Variants in DOCK4 observed in about 807,000 individuals in gnomAD.
DOCK4 encodes the protein dedicator of cytokinesis protein 4.
DOCK4 carries 97 observed loss-of-function variants against 268.1 expected under a neutral mutation model. The ratio of observed to expected loss-of-function variants is 0.36; its 90% CI spans 0.31 to 0.43. The LOEUF (loss-of-function observed/expected upper bound fraction) is 0.43. Among genes scored for constraint, DOCK4 ranks in the 20% least tolerant of loss-of-function variants. The pLI is 1.00. For synonymous variants in DOCK4, 954 were observed against 887.2 expected (o/e 1.08, Z -1.34); for missense variants, 2,145 against 2,455.7 (o/e 0.87, Z 2.67).
chr7:111,926,503 AAAG>A (rs1793686000), intron 12 of DOCK4, among the ~76,000 whole-genome samples: 1 of 148,728 alleles, frequency 6.7e-6, no homozygotes, highest in African/African-American at 2.5e-5. Context: ...ACAAAGAAAA[AAAG>A]AAGGAAGAAA....
chr7:111,846,867 G>T, intron 24 of DOCK4, 132 bp downstream of exon 24: 1 of 1,092,238 alleles, frequency 9.2e-7, no homozygotes, highest in Non-Finnish European at 1.2e-6. Flanking sequence ...GAAGCAAAAA[G>T]TCCAGCCCAG....
At chr7:112,116,291 C>A (rs1406415011) in intron 1 of DOCK4, among the ~76,000 whole-genome samples, 1 of 152,104 alleles carries the variant, frequency 6.6e-6, no homozygotes. Flanking sequence ...TGGCTTATTT[C>A]AATTGGCATA....
chr7:111,955,119 T>C (rs1470384144), intron 8 of DOCK4, among the ~76,000 whole-genome samples: 1 of 152,220 alleles, frequency 6.6e-6, no homozygotes, highest in Non-Finnish European at 1.5e-5. Flanking sequence ...CGAAGACTTT[T>C]CCCCTCTTCC....
intron 15 of DOCK4, among the ~76,000 whole-genome samples, chr7:111,896,613 TG>T (rs976323583): frequency 2.0e-5 from 3 of 151,982 alleles, no homozygotes; most frequent in African/African-American, 7.3e-5. Flanking sequence ...TGTTAAGGGC[TG>T]GATGGTTACT....
chr7:112,098,813 T>C (rs747278404), intron 1 of DOCK4, among the ~76,000 whole-genome samples: 1 of 125,516 alleles, frequency 8.0e-6, no homozygotes, highest in Non-Finnish European at 1.8e-5. Flanking sequence ...CATGAGCATA[T>C]ATCTATATAT....
At chr7:112,026,509 C>T (rs1802802865) in intron 1 of DOCK4, among the ~76,000 whole-genome samples, 1 of 152,194 alleles carries the variant, frequency 6.6e-6, no homozygotes, top group Non-Finnish European at 1.5e-5. Flanking sequence ...TAACAGCCTA[C>T]CAGCTACATC....
intron 25 of DOCK4, among the ~76,000 whole-genome samples, chr7:111,842,618 G>C (rs1315683130): frequency 6.6e-6 from 1 of 152,176 alleles, no homozygotes; most frequent in East Asian, 1.9e-4. Flanking sequence ...GTCAGTGTTG[G>C]TGAAAACAAT....
rs756138210 is a variant in DOCK4, at chr7:111,847,137, AAG to A, written c.2474-13_2474-12del. 8 of 1,613,534 alleles carry A rather than the reference AAG, an allele frequency of 5.0e-6. No individual in the cohort carries two copies. The highest frequency in any genetic ancestry group is 6.8e-6 in the Non-Finnish European group (8 of 1,179,548). The stretch of plus-strand genomic sequence containing the variant: ...GAATGTATCGGGAATCTGAAGAGAG[AAG>A]AGTCATTAGTGTCACATCTGTTGGA... On this transcript the variant is annotated splice_polypyrimidine_tract_variant and intron_variant, in intron 23 of 52. Transcript: ENST00000428084.
chr7:112,101,059 T>C (rs767777252), intron 1 of DOCK4, among the ~76,000 whole-genome samples: 4 of 152,066 alleles, frequency 2.6e-5, no homozygotes, highest in Non-Finnish European at 4.4e-5. Context: ...GGGTGTGTTA[T>C]GGAAGGAAGG....
At chr7:112,027,225 G>C (rs1202138341) in intron 1 of DOCK4, among the ~76,000 whole-genome samples, 3 of 151,940 alleles carry the variant, frequency 2.0e-5, no homozygotes, top group African/African-American at 7.3e-5. Flanking sequence ...GTTTTGTTTT[G>C]TTTCCTTGTT....
At chr7:111,926,599 G>A (rs1395675327) in intron 12 of DOCK4, among the ~76,000 whole-genome samples, 3 of 150,280 alleles carry the variant, frequency 2.0e-5, no homozygotes, top group Non-Finnish European at 2.9e-5. Flanking sequence ...AAGGTGGGCA[G>A]ATCACGAGGT....
intron 27 of DOCK4, among the ~76,000 whole-genome samples, chr7:111,812,199 A>G (rs1166638940): frequency 6.6e-6 from 1 of 152,224 alleles, no homozygotes; most frequent in African/African-American, 2.4e-5. Context: ...TCAGACAGAA[A>G]TATATTATCA....
chr7:111,959,291 T>C lies in DOCK4; in HGVS notation c.702-13493A>G, dbSNP rs192104805. Among the ~76,000 whole-genome samples the C allele has an allele frequency of 9.2e-5, 14 of 152,240 alleles. No homozygotes were observed. The East Asian group carries it at 2.3e-3, about 25-fold the overall frequency. ...CATCTATTTTTGTTCTCAAACAAAG[T>C]TGTACTCCCTGCACGTCTGGCCGGT... On this transcript the variant is annotated intron_variant, in intron 8 of 52. Transcript: ENST00000428084.
At chr7:111,758,498 G>T in intron 41 of DOCK4, 126 bp downstream of exon 41, 1 of 1,093,154 alleles carries the variant, frequency 9.1e-7, no homozygotes, top group Non-Finnish European at 1.3e-6. Context: ...TAGACTAAAT[G>T]ATTTATATAG....
intron 28 of DOCK4, among the ~76,000 whole-genome samples, chr7:111,810,465 G>GA (rs1025175286): frequency 1.6e-4 from 22 of 140,526 alleles, no homozygotes; most frequent in East Asian, 2.0e-4. Context: ...ACAAAAAAAA[G>GA]AAAAAAAAAA....
At chr7:112,103,600 G>A (rs1185538093) in intron 1 of DOCK4, among the ~76,000 whole-genome samples, 1 of 152,220 alleles carries the variant, frequency 6.6e-6, no homozygotes, top group African/African-American at 2.4e-5. Flanking sequence ...ATCATAAACA[G>A]TCTGGGCGCA....
intron 30 of DOCK4, among the ~76,000 whole-genome samples, chr7:111,796,650 A>T (rs1029674991): frequency 5.3e-5 from 8 of 151,514 alleles, no homozygotes; most frequent in Admixed American, 4.6e-4. Flanking sequence ...AACTAGAACC[A>T]TTTTTTTTTA....
At position 111,926,120 on chromosome 7, in the gene DOCK4, AAAAGAAAGAAAG is replaced by A. The variant is rs71524823; in HGVS notation, c.1066+9408_1066+9419del. Among the ~76,000 whole-genome samples, 46 of 135,194 alleles carry A rather than the reference AAAAGAAAGAAAG, an allele frequency of 3.4e-4. 1 individual carries two copies. Among genetic ancestry groups the A allele is most frequent in the Admixed American group, 6.0e-4 (8 of 13,372 alleles). The allele number at this position is 135,194 out of a possible 152,430, so 88.7% of individuals were successfully genotyped here. ...AGAAAGAGAGAGAGAGAGAAAGAGA[AAAAGAAAGAAAG>A]AAAGAAAGAAAGAAAAAGAGAAAAA... On this transcript the variant is annotated intron_variant, in intron 12 of 52. Transcript: ENST00000428084.
intron 10 of DOCK4, among the ~76,000 whole-genome samples, 168 bp from the exon 11 acceptor site, chr7:111,940,410 C>A (rs893227639): frequency 1.1e-4 from 17 of 152,304 alleles, no homozygotes; most frequent in African/African-American, 4.1e-4. Flanking sequence ...ATTCTCCTCT[C>A]CAGTCACCTA....
Sources: gnomAD v4.1 joint callset for allele counts (sites outside exome capture counted in the v4.1 genomes callset) on GRCh38, gnomAD v4.1.1 for gene constraint, MANE v1.5 for transcripts, NCBI Gene and HGNC (gene_info 2026-07-23, HGNC 2026-07-21) for gene names.